SAMMSON: variants seen among roughly 807,000 people sequenced by gnomAD.
SAMMSON encodes the protein long intergenic non-protein coding RNA 1212.
intron 4 of SAMMSON, among the ~76,000 whole-genome samples, chr3:70,231,291 C>A (rs1288555922): frequency 2.6e-5 from 4 of 152,184 alleles, no homozygotes; most frequent in Non-Finnish European, 5.9e-5. Context: ...TAAGACGACG[C>A]TCCTGCCCCT....
intron 7 of SAMMSON, among the ~76,000 whole-genome samples, chr3:70,316,605 C>A (rs1035646497): frequency 1.3e-5 from 2 of 151,988 alleles, no homozygotes; most frequent in African/African-American, 2.4e-5. Flanking sequence ...TAAAAGAATT[C>A]TTTTTGGAAC....
At chr3:70,400,632 G>T (rs1701132453) in intron 2 of SAMMSON, among the ~76,000 whole-genome samples, 1 of 152,172 alleles carries the variant, frequency 6.6e-6, no homozygotes. Context: ...CATGTGGCAA[G>T]AATTAGAGGT....
chr3:70,085,328 T>C, intron 4 of SAMMSON, among the ~76,000 whole-genome samples: 1 of 152,186 alleles, frequency 6.6e-6, no homozygotes. Context: ...TCTTTCTGGG[T>C]TCCCCCTTTT....
intron 6 of SAMMSON, among the ~76,000 whole-genome samples, chr3:70,264,580 C>T (rs1701898489): frequency 6.6e-6 from 1 of 152,194 alleles, no homozygotes; most frequent in South Asian, 2.1e-4. Flanking sequence ...CAAACAGTTG[C>T]TGGCATCAGG....
intron 4 of SAMMSON, among the ~76,000 whole-genome samples, chr3:70,109,413 G>A (rs1353188825): frequency 6.6e-6 from 1 of 152,112 alleles, no homozygotes; most frequent in Non-Finnish European, 1.5e-5. Flanking sequence ...AATTCCTTGA[G>A]TTCTGCATGC....
chr3:70,115,724 C>T (rs1435718601), intron 4 of SAMMSON, among the ~76,000 whole-genome samples: 2 of 152,056 alleles, frequency 1.3e-5, no homozygotes, highest in Non-Finnish European at 2.9e-5. Context: ...GGAATTTATT[C>T]CCTTATTCTT....
chr3:70,001,148 A>G (rs2066904260), intron 1 of SAMMSON, among the ~76,000 whole-genome samples: 1 of 152,104 alleles, frequency 6.6e-6, no homozygotes, highest in Admixed American at 6.5e-5. Flanking sequence ...AACTTCTTAA[A>G]GAATTGTTGA....
At chr3:70,131,939 A>G (rs1326949674) in intron 4 of SAMMSON, among the ~76,000 whole-genome samples, 1 of 152,134 alleles carries the variant, frequency 6.6e-6, no homozygotes, top group Non-Finnish European at 1.5e-5. Flanking sequence ...CTAGAGAATA[A>G]ATAGGAGATG....
At chr3:70,156,202 G>A (rs948550148) in intron 4 of SAMMSON, among the ~76,000 whole-genome samples, 1 of 151,970 alleles carries the variant, frequency 6.6e-6, no homozygotes, top group African/African-American at 2.4e-5. Flanking sequence ...TTCAATGGTC[G>A]GATGAGGGTT....
chr3:70,148,774 T>C (rs759512010), intron 4 of SAMMSON, among the ~76,000 whole-genome samples: 4 of 152,124 alleles, frequency 2.6e-5, no homozygotes, highest in African/African-American at 7.2e-5. Flanking sequence ...TTCATTTCCC[T>C]GACCCAAACA....
chr3:70,381,472 T>C (rs1460265836), intron 9 of SAMMSON, among the ~76,000 whole-genome samples: 1 of 152,212 alleles, frequency 6.6e-6, no homozygotes, highest in African/African-American at 2.4e-5. Flanking sequence ...TAAGGGCCAA[T>C]TTGTAACTTT....
At chr3:70,301,991 A>G (rs1225093905) in intron 7 of SAMMSON, among the ~76,000 whole-genome samples, 4 of 152,102 alleles carry the variant, frequency 2.6e-5, no homozygotes, top group Admixed American at 6.6e-5. Context: ...CAGGGTAGCT[A>G]TTTCATTTCA....
intron 9 of SAMMSON, among the ~76,000 whole-genome samples, chr3:70,378,978 CTTTTATTTA>C (rs1412564003): frequency 1.4e-5 from 2 of 143,086 alleles, no homozygotes; most frequent in African/African-American, 5.2e-5. Context: ...TATACTTACA[CTTTTATTTA>C]TTTATTTATT....
At chr3:70,292,694 T>G (rs6788696) in intron 7 of SAMMSON, among the ~76,000 whole-genome samples, 40,409 of 151,950 alleles carry the variant, frequency 0.27, 5,903 homozygotes, top group East Asian at 0.44. Context: ...TTTCTCTTTT[T>G]TGATGTACAC....
intron 4 of SAMMSON, among the ~76,000 whole-genome samples, chr3:70,166,900 T>A (rs1200707036): frequency 6.6e-6 from 1 of 151,968 alleles, no homozygotes; most frequent in Non-Finnish European, 1.5e-5. Context: ...TAGACATTAT[T>A]ATATTTTATA....
chr3:70,217,602 T>G (rs1257257826), intron 4 of SAMMSON, among the ~76,000 whole-genome samples: 1 of 152,106 alleles, frequency 6.6e-6, no homozygotes, highest in African/African-American at 2.4e-5. Flanking sequence ...AAAAAACAGT[T>G]TTTCACTGTA....
At chr3:70,105,277 T>C (rs1369662328) in intron 4 of SAMMSON, among the ~76,000 whole-genome samples, 1 of 152,218 alleles carries the variant, frequency 6.6e-6, no homozygotes, top group East Asian at 1.9e-4. Flanking sequence ...ATAGCAATTA[T>C]TTTTCACCAT....
At chr3:70,159,447 A>T (rs1186021020) in intron 4 of SAMMSON, 1 of 151,602 alleles carries the variant, frequency 6.6e-6, no homozygotes, top group Non-Finnish European at 1.5e-5. Context: ...TGCTAACTAT[A>T]TTTAGCATTT....
intron 6 of SAMMSON, among the ~76,000 whole-genome samples, chr3:70,288,549 G>C (rs1267519260): frequency 6.7e-6 from 1 of 149,722 alleles, no homozygotes; most frequent in Non-Finnish European, 1.5e-5. Context: ...ATTTGGGGTG[G>C]AGAGTTCTGT....
Sources: allele counts gnomAD v4.1 joint callset (sites outside exome capture counted in the v4.1 genomes callset), GRCh38; gene constraint gnomAD v4.1.1; transcripts MANE v1.5; gene names NCBI Gene and HGNC (gene_info 2026-07-23, HGNC 2026-07-21).